DMKN: variants seen among roughly 807,000 people sequenced by gnomAD.
DMKN encodes dermokine.
In DMKN, 58 loss-of-function variants were observed where a neutral mutation model predicts 67.6. The ratio of observed to expected loss-of-function variants is 0.86; its 90% CI spans 0.69 to 1.07. The LOEUF (loss-of-function observed/expected upper bound fraction) is 1.07, where lower values mean the gene tolerates loss of function less well. Ranked by LOEUF, DMKN falls within the 50% of genes least tolerant of loss-of-function variation. DMKN has a pLI of 0.00. For synonymous variants in DMKN, 240 were observed against 232.3 expected (o/e 1.03, Z -0.30); for missense variants, 596 against 601.5 (o/e 0.99, Z 0.10).
At chr19:35,499,863 G>A (rs1399592727) in intron 13 of DMKN, 95 bp downstream of exon 13, 9 of 1,403,226 alleles carry the variant, frequency 6.4e-6, no homozygotes, top group South Asian at 1.2e-5. Flanking sequence ...TCCGGCCTCC[G>A]GCAACCAACC....
At position 35,513,586 on chromosome 19, in the gene DMKN, C is replaced by T; in HGVS notation, c.-111G>A. On this transcript the variant is annotated 5_prime_UTR_variant, in exon 1 of 16. Coordinates refer to ENST00000339686, the MANE Select transcript of DMKN (RefSeq NM_033317.5). ...TCCTCTGTCCTCCTCCTTCCGACTCCCTGTCCTCCCTCCCTCTGGGTCTGC... is the reference window on the plus strand; with the variant it reads ...TCCTCTGTCCTCCTCCTTCCGACTCTCTGTCCTCCCTCCCTCTGGGTCTGC... 4 of 1,351,292 alleles carry T rather than the reference C, an allele frequency of 3.0e-6. No individual in the cohort carries two copies. Among genetic ancestry groups the T allele is most frequent in the African/African-American group, 1.5e-5 (1 of 67,950 alleles). The allele number at this position is 1,351,292 out of a possible 1,614,324, so 83.7% of individuals were successfully genotyped here.
rs2068076671 is a variant in DMKN at position 35,499,970 on chromosome 19, C to A, written c.1347G>T (p.Lys449Asn). The change falls in exon 13 of 16, where the codon AAG becomes AAT. Residue 449 changes from lysine (K) to asparagine (N), a missense_variant. Physicochemically the swap from Lys to Asn is moderately conservative, Grantham distance 94 (BLOSUM62 0). Coordinates refer to ENST00000339686, the MANE Select transcript of DMKN (RefSeq NM_033317.5). ...PTAYGGKYSV[K>N]TPAKGGVSPS... ...TTGCCGGTCTCACCTTTGCAGGGGT[C>A]TTGACTGAGTACTTCCCACCATAGG... The A allele has an allele frequency of 6.2e-7, 1 of 1,614,052 alleles. No individual in the cohort carries two copies. The highest frequency in any genetic ancestry group is 8.5e-7 in the Non-Finnish European group (1 of 1,180,046).
At chr19:35,507,560 G>C in intron 7 of DMKN, 1 of 1,519,668 alleles carries the variant, frequency 6.6e-7, no homozygotes, top group Non-Finnish European at 8.9e-7. Flanking sequence ...CAGGCGGGCA[G>C]GGGGACGAGA....
Position 35,499,975 on chromosome 19 carries a change from C to T in DMKN, c.1342G>A (p.Val448Ile). The change falls in exon 13 of 16, where the codon GTC becomes ATC. Residue 448 changes from valine (V) to isoleucine (I), a missense_variant. Val to Ile is a conservative substitution (Grantham distance 29). Coordinates refer to ENST00000339686, the MANE Select transcript of DMKN (RefSeq NM_033317.5). ...YPTAYGGKYS[V>I]KTPAKGGVSP... ...GGTCTCACCTTTGCAGGGGTCTTGA[C>T]TGAGTACTTCCCACCATAGGCAGTG... 6.2e-7 allele frequency: 1 copy of T among 1,614,172 alleles called. No homozygotes were observed. The highest frequency in any genetic ancestry group is 8.5e-7 in the Non-Finnish European group (1 of 1,180,038).
chr19:35,499,841 A>C (rs2068051333), intron 13 of DMKN, 117 bp downstream of exon 13: 10 of 1,095,984 alleles, frequency 9.1e-6, no homozygotes, highest in Non-Finnish European at 1.3e-5. Context: ...CCTGGACTCA[A>C]AGAGAGCGGG....
intron 11 of DMKN, 100 bp from the exon 12 acceptor site, chr19:35,500,680 G>C: frequency 7.4e-7 from 1 of 1,358,816 alleles, no homozygotes; most frequent in East Asian, 2.5e-5. Flanking sequence ...CCCTTTCCAC[G>C]TGCTACCTAT....
chr19:35,504,323 TC>T (rs2069015215), intron 9 of DMKN, among the ~76,000 whole-genome samples: 1 of 152,158 alleles, frequency 6.6e-6, no homozygotes, highest in South Asian at 2.1e-4. Flanking sequence ...ATGCCTGTAA[TC>T]CCAACATTTT....
rs772262748 is a variant in DMKN, at chr19:35,513,486, C to A, written c.-11G>T. The A allele has an allele frequency of 1.4e-5, 22 of 1,588,576 alleles. No homozygotes were observed. In the South Asian group the frequency reaches 2.3e-4, roughly 17 times the overall value. Reference sequence around the variant, plus strand: ...CCCCTGGAACTTCATCTCTGCCCAGCCCCCTCTCTCTCCAGAGTGTCTTCC... The same window carrying A: ...CCCCTGGAACTTCATCTCTGCCCAGACCCCTCTCTCTCCAGAGTGTCTTCC... On this transcript the variant is annotated 5_prime_UTR_variant, in exon 1 of 16. Transcript: ENST00000339686.
intron 9 of DMKN, among the ~76,000 whole-genome samples, chr19:35,504,314 T>C (rs2017100): frequency 0.52 from 78,612 of 151,912 alleles, 21,553 homozygotes; most frequent in African/African-American, 0.7. Context: ...CAGTGACTCA[T>C]GCCTGTAATC....
At position 35,510,208 on chromosome 19, in the gene DMKN, G is replaced by A. The variant is rs764846380; in HGVS notation, c.963C>T (p.Gly321=). ...GSSSGNHGGS[G]GGNGHKPGCE... The stretch of plus-strand genomic sequence containing the variant: ...CCCCGGGTTTATGTCCATTTCCTCC[G>A]CCGCTCCCACCGTGGTTGCCGGAGG... The change falls in exon 6 of 16, where the codon GGC becomes GGT. Residue 321 remains glycine, a synonymous_variant. Transcript: ENST00000339686. The A allele has an allele frequency of 1.9e-6, 3 of 1,608,746 alleles. No homozygotes were observed. The highest frequency in any genetic ancestry group is 2.7e-5 in the African/African-American group (2 of 74,746).
intron 10 of DMKN, among the ~76,000 whole-genome samples, 178 bp downstream of exon 10, chr19:35,502,652 C>A (rs900944534): frequency 2.0e-5 from 3 of 151,786 alleles, no homozygotes; most frequent in Non-Finnish European, 2.9e-5. Context: ...TTGCAGTGAG[C>A]CGAGATAGTG....
chr19:35,497,907 TTTC>T (rs1481964005), intron 15 of DMKN: 1 of 152,344 alleles, frequency 6.6e-6, no homozygotes, highest in East Asian at 1.9e-4. Flanking sequence ...GGTCATTTTC[TTTC>T]TTCTTTCTCT....
chr19:35,502,653 C>T (rs144715404), intron 10 of DMKN, among the ~76,000 whole-genome samples, 177 bp downstream of exon 10: 2,916 of 151,526 alleles, frequency 0.019, 93 homozygotes, highest in African/African-American at 0.068. Context: ...TGCAGTGAGC[C>T]GAGATAGTGC....
In DMKN at chr19:35,500,033, T is replaced by C. The variant is rs530046970; in HGVS notation, c.1288-4A>G. 2 of 1,614,210 alleles carry C rather than the reference T, an allele frequency of 1.2e-6. No homozygotes were observed. The highest frequency in any genetic ancestry group is 1.3e-5 in the African/African-American group (1 of 75,056). ...CATGCTGGTTGTAATTGTAGTTCTG[T>C]GGAAGAAGTGGGCATGGCGGTTAGA... On this transcript the variant is annotated splice_region_variant and splice_polypyrimidine_tract_variant and intron_variant, in intron 12 of 15. Coordinates refer to ENST00000339686, the MANE Select transcript of DMKN (RefSeq NM_033317.5).
Position 35,512,745 on chromosome 19 carries a change from C to T in DMKN, c.472G>A (p.Gly158Arg), listed in dbSNP as rs2071045837. The T allele has an allele frequency of 6.2e-7, 1 of 1,614,104 alleles. No individual in the cohort carries two copies. The highest frequency in any genetic ancestry group is 8.5e-7 in the Non-Finnish European group (1 of 1,180,028). The change falls in exon 2 of 16, where the codon GGA becomes AGA. Residue 158 changes from glycine (G) to arginine (R), a missense_variant. Transcript: ENST00000339686. Reference sequence around the variant, plus strand: ...CCAGGATTGCCCTGGCCCTGGCCTCCAAGGCCACCTTGAGAGCCAAAGATG... The same window carrying T: ...CCAGGATTGCCCTGGCCCTGGCCTCTAAGGCCACCTTGAGAGCCAAAGATG... ...HGIFGSQGGL[G>R]GQGQGNPGGL...
rs1423898355 is a variant in DMKN, at chr19:35,502,497, A to G, written c.1192-314T>C. Reference sequence around the variant, plus strand: ...GGTGGATCACGAGGTCAGGAGATTGAGACTATCCTGGCTAACATGGTATAA... The same window carrying G: ...GGTGGATCACGAGGTCAGGAGATTGGGACTATCCTGGCTAACATGGTATAA... On this transcript the variant is annotated intron_variant, in intron 10 of 15. Transcript: ENST00000339686. Among the ~76,000 whole-genome samples, 3 of 151,958 alleles carry G rather than the reference A, an allele frequency of 2.0e-5. No individual in the cohort carries two copies. The East Asian group carries it at 5.8e-4, about 29-fold the overall frequency.
chr19:35,504,181 T>C (rs780982592), intron 9 of DMKN, among the ~76,000 whole-genome samples: 3 of 152,196 alleles, frequency 2.0e-5, no homozygotes, highest in African/African-American at 7.2e-5. Flanking sequence ...GTGTCTATCC[T>C]GGCTCTCTGG....
Position 35,513,594 on chromosome 19 carries a change from C to T in DMKN, c.-119G>A. 1 of 1,320,824 alleles carries T rather than the reference C, an allele frequency of 7.6e-7. No individual in the cohort carries two copies. The highest frequency in any genetic ancestry group is 1.0e-6 in the Non-Finnish European group (1 of 991,688). The allele number at this position is 1,320,824 out of a possible 1,614,324, so 81.8% of individuals were successfully genotyped here. On this transcript the variant is annotated 5_prime_UTR_variant, in exon 1 of 16. Transcript: ENST00000339686. ...CCTCCTCCTTCCGACTCCCTGTCCT[C>T]CCTCCCTCTGGGTCTGCAGCCTTCT...
At chr19:35,502,958 G>T in intron 9 of DMKN, 72 bp from the exon 10 acceptor site, 1 of 1,478,862 alleles carries the variant, frequency 6.8e-7, no homozygotes, top group Non-Finnish European at 9.2e-7. Flanking sequence ...TCCTGCTACT[G>T]CCCTATCTCA....
Sources: allele counts gnomAD v4.1 joint callset (sites outside exome capture counted in the v4.1 genomes callset), GRCh38; gene constraint gnomAD v4.1.1; transcripts MANE v1.5; gene names NCBI Gene and HGNC (gene_info 2026-07-23, HGNC 2026-07-21).